Variants in CCDC186 observed in about 807,000 individuals in gnomAD.
CCDC186 encodes coiled-coil domain-containing protein 186.
CCDC186 carries 49 observed loss-of-function variants against 113.7 expected under a neutral mutation model. The observed-to-expected ratio is 0.43, with a 90% confidence interval of 0.34 to 0.55. CCDC186 has a LOEUF of 0.55. CCDC186 is among the 20% of genes least tolerant of loss of function. The pLI is 0.02. For synonymous variants in CCDC186, 355 were observed against 345.8 expected, an observed-to-expected ratio of 1.03 and a Z score of -0.30; for missense variants, 890 against 1,011.1, an observed-to-expected ratio of 0.88 and a Z score of 1.62.
At chr10:114,167,219 C>T (rs1182047032) in intron 1 of CCDC186, among the ~76,000 whole-genome samples, 1 of 151,972 alleles carries the variant, frequency 6.6e-6, no homozygotes, top group African/African-American at 2.4e-5. Flanking sequence ...CGGGGTTTCA[C>T]CATGTTGGCC....
At chr10:114,131,797 C>T (rs1010563645) in intron 11 of CCDC186, 132 bp downstream of exon 11, 8 of 645,204 alleles carry the variant, frequency 1.2e-5, no homozygotes, top group Non-Finnish European at 1.8e-5. Context: ...ACATTTCTTA[C>T]AGCAGTTGAA....
At chr10:114,136,455 G>A (rs1402162450) in intron 7 of CCDC186, among the ~76,000 whole-genome samples, 1 of 152,170 alleles carries the variant, frequency 6.6e-6, no homozygotes, top group African/African-American at 2.4e-5. Context: ...ATCCTCGAGT[G>A]TGTTTATGTA....
intron 4 of CCDC186, among the ~76,000 whole-genome samples, chr10:114,150,688 A>C (rs2119804921): frequency 6.6e-6 from 1 of 152,222 alleles, no homozygotes. Flanking sequence ...TTGCTTTGTC[A>C]CCCAGGCTGG....
Position 114,149,554 on chromosome 10 carries a change from G to GAAGGA in CCDC186, c.888+1533_888+1537dup, listed in dbSNP as rs1564912632. 3.1e-5 allele frequency among the ~76,000 whole-genome samples: 3 copies of GAAGGA among 97,050 alleles called. No homozygotes were observed. In the East Asian group the frequency reaches 1.1e-3, roughly 34 times the overall value. The allele number at this position is 97,050 out of a possible 152,430, so 63.7% of individuals were successfully genotyped here. ...GAAGGAAAGGGAAGGGAAGGGAAGG[G>GAAGGA]AAGGAAAGGAAAGGGAAGGGAAGGG... On this transcript the variant is annotated intron_variant, in intron 4 of 15. Transcript: ENST00000369287.
intron 1 of CCDC186, among the ~76,000 whole-genome samples, chr10:114,164,215 G>A (rs1373307208): frequency 6.8e-6 from 1 of 147,076 alleles, no homozygotes; most frequent in African/African-American, 2.5e-5. Flanking sequence ...CTGCCTCCCA[G>A]GTTCCAGCAA....
At chr10:114,170,623 A>C (rs2032465385) in intron 1 of CCDC186, among the ~76,000 whole-genome samples, 1 of 152,212 alleles carries the variant, frequency 6.6e-6, no homozygotes, top group African/African-American at 2.4e-5. Context: ...CATGGTTGGC[A>C]CAAATTTAAC....
At chr10:114,147,962 C>G (rs2031697080) in intron 4 of CCDC186, among the ~76,000 whole-genome samples, 1 of 151,870 alleles carries the variant, frequency 6.6e-6, no homozygotes, top group South Asian at 2.1e-4. Context: ...AATCCCCTAT[C>G]TACAAAAAAA....
intron 3 of CCDC186, among the ~76,000 whole-genome samples, chr10:114,155,018 C>T (rs551428282): frequency 1.3e-5 from 2 of 152,086 alleles, no homozygotes; most frequent in East Asian, 1.9e-4. Context: ...TTATATGAAA[C>T]GTCCAGAACA....
At chr10:114,133,339 A>G (rs1222459616) in intron 10 of CCDC186, among the ~76,000 whole-genome samples, 1 of 152,190 alleles carries the variant, frequency 6.6e-6, no homozygotes, top group Non-Finnish European at 1.5e-5. Context: ...AGTCACATGG[A>G]TGCTGCACTC....
At chr10:114,151,042 C>A (rs1564913556) in intron 4 of CCDC186, 50 bp downstream of exon 4, 2 of 1,595,572 alleles carry the variant, frequency 1.3e-6, no homozygotes, top group East Asian at 2.2e-5. Context: ...TTTTAACAAA[C>A]AAGAGTCACC....
At position 114,151,183 on chromosome 10, in the gene CCDC186, T is replaced by C; in HGVS notation, c.797A>G (p.Lys266Arg). The change falls in exon 4 of 16, where the codon AAA (lysine) becomes AGA (arginine). Residue 266 changes from lysine (K) to arginine (R), a missense_variant. Transcript: ENST00000369287. The stretch of plus-strand genomic sequence containing the variant: ...AGCTATTAGTTGATCTCTGGAAGCT[T>C]TAACTTCTTTATTAAGTTCTTCTAT... ...SRIEELNKEV[K>R]ASRDQLIAQD... 3 of 1,596,628 alleles carry C rather than the reference T, an allele frequency of 1.9e-6. No individual in the cohort carries two copies. Among genetic ancestry groups the C allele is most frequent in the Non-Finnish European group, 2.6e-6 (3 of 1,164,856 alleles).
intron 4 of CCDC186, among the ~76,000 whole-genome samples, chr10:114,150,783 G>C (rs894843754): frequency 1.2e-4 from 19 of 152,158 alleles, no homozygotes; most frequent in Admixed American, 9.2e-4. Context: ...CAAGTAGCTG[G>C]GACTACAGGG....
In CCDC186 at chr10:114,125,952, A is replaced by C; in HGVS notation, c.2547T>G (p.Ser849=). Residue 849 remains serine (S), a synonymous_variant, in exon 15 of 16, where the codon TCT becomes TCG. Coordinates refer to ENST00000369287, the MANE Select transcript of CCDC186 (RefSeq NM_018017.4). ...CCTGTAATTTTCGGTTGATTTCCAA[A>C]GAGAGCTCCAATGTTAATCCATTGT... ...PADNGLTLEL[S]LEINRKLQAV... is the part of the protein sequence containing the mutation. The C allele has an allele frequency of 8.7e-6, 14 of 1,614,054 alleles. No individual in the cohort carries two copies. Among genetic ancestry groups the C allele is most frequent in the Non-Finnish European group, 1.1e-5 (13 of 1,179,954 alleles).
At chr10:114,156,953 G>T (rs1430529322) in intron 3 of CCDC186, among the ~76,000 whole-genome samples, 3 of 152,080 alleles carry the variant, frequency 2.0e-5, no homozygotes, top group Non-Finnish European at 1.5e-5. Context: ...CAGTCTAGTT[G>T]ACTGTCAACT....
At chr10:114,167,536 G>A (rs756282490) in intron 1 of CCDC186, among the ~76,000 whole-genome samples, 5 of 152,100 alleles carry the variant, frequency 3.3e-5, no homozygotes, top group African/African-American at 1.2e-4. Context: ...TTTGGTTGCT[G>A]TCCAAGCTTT....
chr10:114,130,052 C>A, intron 12 of CCDC186, 81 bp from the exon 13 acceptor site: 1 of 1,281,362 alleles, frequency 7.8e-7, no homozygotes. Context: ...GCTAAAATCA[C>A]TGAGGCAAAA....
At chr10:114,146,547 A>C (rs2031645973) in intron 4 of CCDC186, among the ~76,000 whole-genome samples, 1 of 152,234 alleles carries the variant, frequency 6.6e-6, no homozygotes, top group South Asian at 2.1e-4. Flanking sequence ...CTTAATAAGA[A>C]ATACCTAACT....
At chr10:114,153,309 G>A (rs1564914394) in intron 3 of CCDC186, among the ~76,000 whole-genome samples, 1 of 152,054 alleles carries the variant, frequency 6.6e-6, no homozygotes, top group Admixed American at 6.6e-5. Flanking sequence ...AGAAATATGG[G>A]AAATTCACAA....
chr10:114,170,577 C>G (rs905819220), intron 1 of CCDC186, among the ~76,000 whole-genome samples: 3 of 152,128 alleles, frequency 2.0e-5, no homozygotes, highest in Non-Finnish European at 4.4e-5. Flanking sequence ...CTCACCTCAA[C>G]CCCCCAAAAG....
Sources: allele counts gnomAD v4.1 joint callset (sites outside exome capture counted in the v4.1 genomes callset), GRCh38; gene constraint gnomAD v4.1.1; transcripts MANE v1.5; gene names NCBI Gene and HGNC (gene_info 2026-07-23, HGNC 2026-07-21).